Variants in AUTS2 observed in about 807,000 individuals in gnomAD.
AUTS2 encodes the protein activator of transcription and developmental regulator AUTS2.
AUTS2 carries 17 observed loss-of-function variants against 112.4 expected under a neutral mutation model. The ratio of observed to expected loss-of-function variants is 0.15; its 90% confidence interval spans 0.10 to 0.23. The LOEUF (loss-of-function observed/expected upper bound fraction) is 0.23. Among genes scored for constraint, AUTS2 ranks in the 10% least tolerant of loss-of-function variants. The pLI is 1.00. For missense variants in AUTS2, 1,510 were observed against 1,701.6 expected, an observed-to-expected ratio of 0.89 and a Z score of 1.98; for synonymous variants, 751 against 702.7, an observed-to-expected ratio of 1.07 and a Z score of -1.09.
intron 4 of AUTS2, among the ~76,000 whole-genome samples, chr7:70,242,979 C>T (rs758253818): frequency 9.9e-5 from 15 of 152,148 alleles, no homozygotes; most frequent in Non-Finnish European, 1.5e-4. Context: ...TACTGCCTTC[C>T]ACACATTCAG....
At chr7:69,684,963 T>A (rs1282243782) in intron 1 of AUTS2, among the ~76,000 whole-genome samples, 1 of 152,234 alleles carries the variant, frequency 6.6e-6, no homozygotes, top group Non-Finnish European at 1.5e-5. Flanking sequence ...CCTCATTGAT[T>A]ACGTGCCTGG....
chr7:70,772,619 G>C (rs9986982), intron 11 of AUTS2, among the ~76,000 whole-genome samples: 1 of 152,164 alleles, frequency 6.6e-6, no homozygotes, highest in Non-Finnish European at 1.5e-5. Flanking sequence ...TTCCAAAGAC[G>C]TGTTTCATTA....
intron 1 of AUTS2, among the ~76,000 whole-genome samples, chr7:69,727,290 T>C (rs1487296940): frequency 6.6e-6 from 1 of 152,120 alleles, no homozygotes; most frequent in Non-Finnish European, 1.5e-5. Flanking sequence ...GGCACCTCCG[T>C]TGAAAATCAG....
At chr7:70,130,499 G>A (rs1220469788) in intron 3 of AUTS2, among the ~76,000 whole-genome samples, 2 of 152,254 alleles carry the variant, frequency 1.3e-5, no homozygotes, top group East Asian at 3.9e-4. Context: ...TTGCAGACTT[G>A]AATGTCAGCA....
rs113582394 is a variant in AUTS2 at position 69,819,705 on chromosome 7, C to T, written c.310-79581C>T. Among the ~76,000 whole-genome samples the T allele has an allele frequency of 1.6e-3, 237 of 152,284 alleles. 6 individuals are homozygous for T. The highest frequency in any genetic ancestry group is 5.4e-3 in the African/African-American group (223 of 41,558). On this transcript the variant is annotated intron_variant, in intron 1 of 18. Transcript: ENST00000342771. ...CGAACATGGCTCACTTCCGCCTTGA[C>T]GTGCTGAGCTCAAGTGATCTTCCTG...
intron 1 of AUTS2, among the ~76,000 whole-genome samples, chr7:69,632,345 A>G (rs983561771): frequency 3.3e-5 from 5 of 152,230 alleles, no homozygotes; most frequent in Admixed American, 2.0e-4. Context: ...ACAGACACTC[A>G]ATAAATATTT....
intron 1 of AUTS2, among the ~76,000 whole-genome samples, chr7:69,734,784 A>G (rs1310115028): frequency 6.6e-6 from 1 of 152,114 alleles, no homozygotes; most frequent in Non-Finnish European, 1.5e-5. Flanking sequence ...TTTCTGTGCT[A>G]CAGATGGTCA....
At chr7:70,343,301 G>A (rs1387236963) in intron 4 of AUTS2, among the ~76,000 whole-genome samples, 2 of 152,110 alleles carry the variant, frequency 1.3e-5, no homozygotes, top group East Asian at 1.9e-4. Flanking sequence ...TTTCCTACTC[G>A]CATGGTTAGA....
intron 1 of AUTS2, among the ~76,000 whole-genome samples, chr7:69,706,916 C>T (rs1562824945): frequency 6.6e-6 from 1 of 152,192 alleles, no homozygotes; most frequent in Non-Finnish European, 1.5e-5. Flanking sequence ...GAAGCTTCTG[C>T]TCTAAGCAGT....
chr7:70,209,749 T>G (rs1810760108), intron 4 of AUTS2, among the ~76,000 whole-genome samples: 1 of 152,174 alleles, frequency 6.6e-6, no homozygotes, highest in African/African-American at 2.4e-5. Context: ...TAATTGGGGC[T>G]TTATATTTCT....
intron 2 of AUTS2, among the ~76,000 whole-genome samples, chr7:69,991,876 A>T (rs1563020985): frequency 1.3e-5 from 2 of 151,902 alleles, no homozygotes; most frequent in South Asian, 4.2e-4. Context: ...ATTCTAAGAC[A>T]TTTTTTTTGT....
chr7:70,040,697 A>G (rs960119941), intron 2 of AUTS2, among the ~76,000 whole-genome samples: 2 of 152,114 alleles, frequency 1.3e-5, no homozygotes, highest in Non-Finnish European at 2.9e-5. Context: ...GGACAACAAC[A>G]TGGCATGCTG....
intron 2 of AUTS2, among the ~76,000 whole-genome samples, chr7:69,946,584 AC>A (rs1796820952): frequency 7.9e-6 from 1 of 126,742 alleles, no homozygotes; most frequent in African/African-American, 3.3e-5. Context: ...ACACACACAC[AC>A]ACACACACAC....
At chr7:69,653,889 C>A (rs928868281) in intron 1 of AUTS2, among the ~76,000 whole-genome samples, 14 of 148,052 alleles carry the variant, frequency 9.5e-5, no homozygotes, top group Non-Finnish European at 1.2e-4. Flanking sequence ...TATGAAGAGA[C>A]CTCCTTACTT....
At chr7:70,017,736 G>T (rs1800093421) in intron 2 of AUTS2, among the ~76,000 whole-genome samples, 1 of 152,018 alleles carries the variant, frequency 6.6e-6, no homozygotes, top group African/African-American at 2.4e-5. Context: ...TCACAGGAAA[G>T]TAGTTGTTAG....
At chr7:69,945,993 A>G (rs1208988547) in intron 2 of AUTS2, among the ~76,000 whole-genome samples, 3 of 151,866 alleles carry the variant, frequency 2.0e-5, no homozygotes, top group Non-Finnish European at 4.4e-5. Flanking sequence ...CGTGCCCACC[A>G]TGTCTGGCTG....
chr7:70,545,472 C>T (rs1269600436), intron 5 of AUTS2, among the ~76,000 whole-genome samples: 2 of 152,302 alleles, frequency 1.3e-5, no homozygotes, highest in South Asian at 4.1e-4. Context: ...CACAAAGAGA[C>T]CACTTGGTAA....
At chr7:69,758,641 A>G (rs544005109) in intron 1 of AUTS2, among the ~76,000 whole-genome samples, 1 of 152,326 alleles carries the variant, frequency 6.6e-6, no homozygotes, top group South Asian at 2.1e-4. Flanking sequence ...AGAAAAGCTC[A>G]TTGACACATT....
chr7:70,479,296 G>A (rs1378999015), intron 5 of AUTS2, among the ~76,000 whole-genome samples: 1 of 152,118 alleles, frequency 6.6e-6, no homozygotes, highest in Non-Finnish European at 1.5e-5. Flanking sequence ...GTGTTGTAAG[G>A]TTGGGGAAAG....
Sources: allele counts gnomAD v4.1 joint callset (sites outside exome capture counted in the v4.1 genomes callset), GRCh38; gene constraint gnomAD v4.1.1; transcripts MANE v1.5; gene names NCBI Gene and HGNC (gene_info 2026-07-23, HGNC 2026-07-21).